Variants in BTBD2 observed in about 807,000 individuals in gnomAD.
BTBD2 encodes the protein BTB domain containing 2.
A neutral mutation model predicts 44.0 loss-of-function variants in BTBD2; 15 were observed. That is an observed-to-expected ratio of 0.34 (90% CI 0.23 to 0.53). The LOEUF (loss-of-function observed/expected upper bound fraction) is 0.53. Ranked by LOEUF, BTBD2 falls within the 20% of genes least tolerant of loss-of-function variation. BTBD2 has a pLI of 0.95. For missense variants in BTBD2, 657 were observed against 746.4 expected, an observed-to-expected ratio of 0.88 and a Z score of 1.39; for synonymous variants, 443 against 335.9, an observed-to-expected ratio of 1.32 and a Z score of -3.49.
In BTBD2 at chr19:1,990,771, C is replaced by T. The variant is rs746177049; in HGVS notation, c.736G>A (p.Asp246Asn). 4 of 1,601,076 alleles carry T rather than the reference C, an allele frequency of 2.5e-6. No individual in the cohort carries two copies. Among genetic ancestry groups the T allele is most frequent in the Admixed American group, 1.7e-5 (1 of 58,550 alleles). ...QLASLCLENI[D>N]KNTADAITAE... ...GTGATGGCGTCTGCAGTGTTTTTGT[C>T]GATGTTCTCCAGGCACAGGCTGGCC... The change falls in exon 4 of 9, where the codon GAC (aspartate) becomes AAC (asparagine). Residue 246 changes from aspartate to asparagine, a missense_variant. Asp to Asn is a conservative substitution (Grantham distance 23). Around this residue, in one of 3 missense-constraint regions of BTBD2, gnomAD observed 449 missense variants for 510.9 expected, o/e 0.88. Coordinates refer to ENST00000255608, the MANE Select transcript of BTBD2 (RefSeq NM_017797.4).
chr19:1,998,877 C>A (rs567525581), intron 1 of BTBD2, among the ~76,000 whole-genome samples: 33 of 152,118 alleles, frequency 2.2e-4, no homozygotes, highest in Non-Finnish European at 4.6e-4. Flanking sequence ...GGAGCACCTG[C>A]CCCAGGACGT....
chr19:2,011,421 A>C (rs544961991), intron 1 of BTBD2, among the ~76,000 whole-genome samples: 1 of 152,138 alleles, frequency 6.6e-6, no homozygotes, highest in East Asian at 1.9e-4. Flanking sequence ...ACACTGGGCC[A>C]CAGGGCCTCC....
At chr19:1,987,041 CAGCCCA>C in intron 7 of BTBD2, 65 bp from the exon 8 acceptor site, 1 of 1,594,052 alleles carries the variant, frequency 6.3e-7, no homozygotes, top group East Asian at 2.2e-5. Context: ...CCTCGAGGCC[CAGCCCA>C]CCTGCCCAGG....
chr19:1,993,765 G>A (rs190422871), intron 2 of BTBD2, among the ~76,000 whole-genome samples: 22 of 152,068 alleles, frequency 1.4e-4, no homozygotes, highest in Admixed American at 1.4e-3. Flanking sequence ...GGAGGCTGAG[G>A]CGGGCAGATC....
chr19:1,990,690 C>T (rs1480020757), intron 4 of BTBD2, 27 bp downstream of exon 4: 1 of 1,567,392 alleles, frequency 6.4e-7, no homozygotes, highest in African/African-American at 1.4e-5. Flanking sequence ...CGCTGGGATT[C>T]CCACACCTGG....
intron 3 of BTBD2, chr19:1,991,765 GC>G (rs2016182266): frequency 1.3e-5 from 2 of 152,682 alleles, no homozygotes; most frequent in Non-Finnish European, 2.9e-5. Flanking sequence ...ACCCGTACTG[GC>G]CCCACGTCCT....
Position 1,996,192 on chromosome 19 carries a change from G to A in BTBD2, c.527+1152C>T, listed in dbSNP as rs115071098. ...TCTGTCCTTACGCCAGTACCACACT[G>A]TTTTGATGATTGTAGCTTTGCAGTG... On this transcript the variant is annotated intron_variant, in intron 2 of 8. Transcript: ENST00000255608. Among the ~76,000 whole-genome samples the A allele has an allele frequency of 2.5e-3, 381 of 152,258 alleles. 2 individuals are homozygous for A. Among genetic ancestry groups the A allele is most frequent in the African/African-American group, 8.6e-3 (357 of 41,562 alleles).
chr19:2,014,993 T>C (rs905675900), intron 1 of BTBD2, among the ~76,000 whole-genome samples: 8 of 122,886 alleles, frequency 6.5e-5, no homozygotes, highest in African/African-American at 2.6e-4. Flanking sequence ...CTGGGTGGAG[T>C]CTAGGGATGG....
chr19:1,987,094 C>G (rs2016097098), intron 7 of BTBD2, 72 bp downstream of exon 7: 1 of 1,597,600 alleles, frequency 6.3e-7, no homozygotes, highest in Non-Finnish European at 8.6e-7. Flanking sequence ...GGGGGTTCAG[C>G]CAGGGTTCCA....
chr19:1,987,476 C>A, intron 6 of BTBD2, 24 bp downstream of exon 6: 1 of 1,539,240 alleles, frequency 6.5e-7, no homozygotes, highest in South Asian at 1.2e-5. Context: ...GTCCGGACCC[C>A]CCCGCCTGCA....
In BTBD2 at chr19:1,998,616, G is replaced by A. The variant is rs548244343; in HGVS notation, c.408-1153C>T. ...AAAGGCTGCTGGTGCCTCCCCAAGA[G>A]CCGGCTATGAACCCGCGTTTGGCCA... On this transcript the variant is annotated intron_variant, in intron 1 of 8. Coordinates refer to ENST00000255608, the MANE Select transcript of BTBD2 (RefSeq NM_017797.4). Among the ~76,000 whole-genome samples the A allele has an allele frequency of 2.6e-5, 4 of 152,276 alleles. No homozygotes were observed. In the East Asian group the frequency reaches 7.7e-4, roughly 29 times the overall value.
At chr19:2,000,042 C>G (rs934799658) in intron 1 of BTBD2, among the ~76,000 whole-genome samples, 1 of 152,038 alleles carries the variant, frequency 6.6e-6, no homozygotes, top group Non-Finnish European at 1.5e-5. Context: ...TGGAGCGATG[C>G]GGCCACAGGC....
intron 1 of BTBD2, among the ~76,000 whole-genome samples, chr19:1,999,693 G>T (rs904864177): frequency 2.6e-5 from 4 of 151,918 alleles, no homozygotes; most frequent in East Asian, 3.9e-4. Flanking sequence ...AGGTGCAGTG[G>T]CTCACGCCTG....
chr19:1,993,046 C>T lies in BTBD2; in HGVS notation c.658G>A (p.Asp220Asn). The change falls in exon 3 of 9, where the codon GAC becomes AAC. Residue 220 changes from aspartate (D) to asparagine (N), a missense_variant. Around this residue, in one of 3 missense-constraint regions of BTBD2, gnomAD observed 449 missense variants for 510.9 expected, o/e 0.88. Transcript: ENST00000255608. ...VEFLKKNLRA[D>N]NAFMLLTQAR... ...TGCGTGAGCAGCATGAAGGCGTTGT[C>T]GGCTCGCAGGTTCTTCTTCAGGAAC... 11 of 1,538,074 alleles carry T rather than the reference C, an allele frequency of 7.2e-6. No homozygotes were observed. The highest frequency in any genetic ancestry group is 7.9e-6 in the Non-Finnish European group (9 of 1,138,124).
At chr19:2,001,540 C>T (rs1401787156) in intron 1 of BTBD2, among the ~76,000 whole-genome samples, 1 of 152,180 alleles carries the variant, frequency 6.6e-6, no homozygotes, top group Non-Finnish European at 1.5e-5. Context: ...GTGTGGTGCA[C>T]AAAGGGCCAA....
intron 1 of BTBD2, among the ~76,000 whole-genome samples, chr19:1,998,899 C>T (rs931763533): frequency 9.2e-5 from 14 of 152,244 alleles, no homozygotes; most frequent in African/African-American, 1.4e-4. Flanking sequence ...GCGGTCCCTG[C>T]GTCACCTCTT....
At chr19:2,003,375 G>A (rs1458385811) in intron 1 of BTBD2, 1 of 152,180 alleles carries the variant, frequency 6.6e-6, no homozygotes, top group Non-Finnish European at 1.5e-5. Context: ...TCGGGAGGCT[G>A]AAGCAAGAGA....
At chr19:2,004,505 C>A (rs1465568773) in intron 1 of BTBD2, among the ~76,000 whole-genome samples, 1 of 151,794 alleles carries the variant, frequency 6.6e-6, no homozygotes, top group African/African-American at 2.4e-5. Flanking sequence ...CCATGTTGTT[C>A]AGGCTGGTCT....
intron 1 of BTBD2, chr19:2,013,423 G>T: frequency 1.2e-6 from 1 of 805,658 alleles, no homozygotes; most frequent in Non-Finnish European, 1.5e-6. Flanking sequence ...GGACCCCGGA[G>T]CTGGGGGTCT....
Sources: allele counts gnomAD v4.1 joint callset (sites outside exome capture counted in the v4.1 genomes callset), GRCh38; gene constraint gnomAD v4.1.1; regional missense constraint gnomAD v4.1.1; transcripts MANE v1.5; gene names NCBI Gene and HGNC (gene_info 2026-07-23, HGNC 2026-07-21).